TENM4: variants seen among roughly 807,000 people sequenced by gnomAD.
TENM4 encodes the protein teneurin transmembrane protein 4.
A neutral mutation model predicts 243.3 loss-of-function variants in TENM4; 82 were observed. That is an observed-to-expected ratio of 0.34 (90% CI 0.28 to 0.40). TENM4 has a LOEUF of 0.40. Ranked by LOEUF, TENM4 falls within the 10% of genes least tolerant of loss-of-function variation. The pLI is 1.00. For synonymous variants in TENM4, 1,412 were observed against 1,456.3 expected, an observed-to-expected ratio of 0.97 and a Z score of 0.69; for missense variants, 3,138 against 3,673.3, an observed-to-expected ratio of 0.85 and a Z score of 3.77.
intron 2 of TENM4, among the ~76,000 whole-genome samples, chr11:79,226,997 G>C (rs1169477065): frequency 2.0e-5 from 3 of 152,310 alleles, no homozygotes; most frequent in South Asian, 2.1e-4. Flanking sequence ...GCTGTGCTCT[G>C]CAGGGAGCTA....
At chr11:79,196,608 C>T (rs938444899) in intron 3 of TENM4, among the ~76,000 whole-genome samples, 2 of 152,168 alleles carry the variant, frequency 1.3e-5, no homozygotes, top group Non-Finnish European at 2.9e-5. Context: ...CTATCATGGA[C>T]AAGGTCTGTA....
chr11:78,713,227 C>T (rs916922689), intron 25 of TENM4, among the ~76,000 whole-genome samples: 7 of 152,302 alleles, frequency 4.6e-5, no homozygotes, highest in East Asian at 1.9e-4. Context: ...CTCTGACTCC[C>T]GGTCAGCAGC....
chr11:78,663,844 A>T (rs995720513), intron 32 of TENM4, among the ~76,000 whole-genome samples: 1 of 152,132 alleles, frequency 6.6e-6, no homozygotes, highest in Non-Finnish European at 1.5e-5. Flanking sequence ...ACTGGGTTCC[A>T]TGTTACCATC....
At chr11:78,758,070 AG>A (rs1396804282) in intron 18 of TENM4, among the ~76,000 whole-genome samples, 12 of 152,328 alleles carry the variant, frequency 7.9e-5, no homozygotes, top group African/African-American at 2.4e-4. Context: ...CAAAGAGATA[AG>A]CAGGTAGTGT....
chr11:79,008,026 A>G (rs1453410156), intron 6 of TENM4, among the ~76,000 whole-genome samples: 1 of 152,106 alleles, frequency 6.6e-6, no homozygotes. Context: ...TGGGATTTTT[A>G]TGAGGCCGCT....
At chr11:79,362,105 A>G (rs1304349257) in intron 1 of TENM4, among the ~76,000 whole-genome samples, 23 of 152,228 alleles carry the variant, frequency 1.5e-4, no homozygotes, top group Admixed American at 1.5e-3. Context: ...AGATGAAGAA[A>G]TAGAGACCAA....
intron 3 of TENM4, among the ~76,000 whole-genome samples, chr11:79,198,193 C>A (rs959784329): frequency 2.0e-5 from 3 of 152,230 alleles, no homozygotes; most frequent in Non-Finnish European, 4.4e-5. Context: ...GTGAGGACAG[C>A]CTCCTTGATT....
chr11:79,435,760 T>C (rs1281365663), intron 1 of TENM4, among the ~76,000 whole-genome samples: 1 of 152,068 alleles, frequency 6.6e-6, no homozygotes, highest in African/African-American at 2.4e-5. Flanking sequence ...ACAATTAGAG[T>C]GTGAGCTGGC....
chr11:79,024,815 C>A (rs1182343126), intron 6 of TENM4, among the ~76,000 whole-genome samples: 1 of 152,184 alleles, frequency 6.6e-6, no homozygotes, highest in African/African-American at 2.4e-5. Flanking sequence ...TCATTTTCTA[C>A]AGAAGGAAAT....
chr11:79,273,271 T>C (rs1855999832), intron 2 of TENM4, among the ~76,000 whole-genome samples: 2 of 152,318 alleles, frequency 1.3e-5, no homozygotes, highest in South Asian at 4.1e-4. Context: ...GTAAGATGCA[T>C]CCTAATTTCA....
chr11:79,066,150 A>G (rs956215899), intron 5 of TENM4, among the ~76,000 whole-genome samples: 2 of 152,174 alleles, frequency 1.3e-5, no homozygotes, highest in Non-Finnish European at 2.9e-5. Context: ...ACACAACCAA[A>G]CACATGATTA....
In TENM4 at chr11:78,805,277, T is replaced by TGCCCCCCCCCCCCACCCC; in HGVS notation, c.2179+14_2179+15insGGGGTGGGGGGGGGGGGC. 1.4e-6 allele frequency: 2 copies of TGCCCCCCCCCCCCACCCC among 1,402,550 alleles called. No individual in the cohort carries two copies. Among genetic ancestry groups the TGCCCCCCCCCCCCACCCC allele is most frequent in the Non-Finnish European group, 1.9e-6 (2 of 1,033,116 alleles). 86.9% of individuals were successfully genotyped at this position (1,402,550 alleles called of 1,614,324 possible). ...CCCCTCCCTCTACCCATGCTTCTTC[T>TGCCCCCCCCCCCCACCCC]CCCCCTGCATTTACCGATAGAACAG... On this transcript the variant is annotated intron_variant, in intron 15 of 33. Coordinates refer to ENST00000278550, the MANE Select transcript of TENM4 (RefSeq NM_001098816.3).
At chr11:78,692,515 C>G (rs1439195005) in intron 28 of TENM4, among the ~76,000 whole-genome samples, 1 of 152,118 alleles carries the variant, frequency 6.6e-6, no homozygotes, top group African/African-American at 2.4e-5. Flanking sequence ...AAACTTCTTC[C>G]CAGGGCCCCC....
chr11:79,410,102 C>T (rs1441195495), intron 1 of TENM4, among the ~76,000 whole-genome samples: 2 of 152,140 alleles, frequency 1.3e-5, no homozygotes, highest in African/African-American at 4.8e-5. Context: ...TGTGTTGGGC[C>T]GCATTCAAAA....
At chr11:79,125,067 T>C (rs865975086) in intron 4 of TENM4, among the ~76,000 whole-genome samples, 2 of 151,846 alleles carry the variant, frequency 1.3e-5, no homozygotes, top group African/African-American at 2.4e-5. Context: ...TTGCTTAATA[T>C]GATTAGACCC....
At chr11:78,709,491 C>T (rs1297586996) in intron 26 of TENM4, among the ~76,000 whole-genome samples, 6 of 152,250 alleles carry the variant, frequency 3.9e-5, no homozygotes, top group Admixed American at 2.6e-4. Flanking sequence ...TGTGTGACCT[C>T]GGGCAAGTCA....
In TENM4 at chr11:78,653,020, C is replaced by T. The variant is rs1241237537; in HGVS notation, c.*5038G>A. 2.0e-5 allele frequency: 3 copies of T among 152,204 alleles called. No homozygotes were observed. The highest frequency in any genetic ancestry group is 6.5e-5 in the Admixed American group (1 of 15,280). The allele number at this position is 152,204 out of a possible 1,614,324, so 9.4% of individuals were successfully genotyped here. Reference sequence around the variant, plus strand: ...CAGTGGGATGGGGAGCCACGCTGCACTAGTGATGTCAGAGGAGCTGTGATA... The same window carrying T: ...CAGTGGGATGGGGAGCCACGCTGCATTAGTGATGTCAGAGGAGCTGTGATA... On this transcript the variant is annotated 3_prime_UTR_variant, in exon 34 of 34. Coordinates refer to ENST00000278550, the MANE Select transcript of TENM4 (RefSeq NM_001098816.3).
intron 17 of TENM4, among the ~76,000 whole-genome samples, chr11:78,778,327 C>CGGGGG (rs60605894): frequency 1.4e-4 from 17 of 120,102 alleles, no homozygotes; most frequent in African/African-American, 3.3e-4. Flanking sequence ...GTATGTGGGG[C>CGGGGG]GGGGGGAGGG....
At chr11:78,761,854 A>G (rs1856437788) in intron 18 of TENM4, among the ~76,000 whole-genome samples, 1 of 151,950 alleles carries the variant, frequency 6.6e-6, no homozygotes, top group South Asian at 2.1e-4. Context: ...CCCACTGTGG[A>G]TGTGCCCTGT....
Sources: allele counts gnomAD v4.1 joint callset (sites outside exome capture counted in the v4.1 genomes callset), GRCh38; gene constraint gnomAD v4.1.1; transcripts MANE v1.5; gene names NCBI Gene and HGNC (gene_info 2026-07-23, HGNC 2026-07-21).